TENM4: variants seen among roughly 807,000 people sequenced by gnomAD.
The protein encoded by TENM4 is teneurin transmembrane protein 4.
A neutral mutation model predicts 243.3 loss-of-function variants in TENM4; 82 were observed. That is an observed-to-expected ratio of 0.34 (90% CI 0.28 to 0.40). The LOEUF (loss-of-function observed/expected upper bound fraction) is 0.40. Among genes scored for constraint, TENM4 ranks in the 10% least tolerant of loss-of-function variants. TENM4 has a pLI of 1.00. For synonymous variants in TENM4, 1,412 were observed against 1,456.3 expected (o/e 0.97, Z 0.69); for missense variants, 3,138 against 3,673.3 (o/e 0.85, Z 3.77).
intron 12 of TENM4, among the ~76,000 whole-genome samples, chr11:78,828,507 T>C (rs780414742): frequency 3.3e-5 from 5 of 152,248 alleles, no homozygotes; most frequent in Admixed American, 6.5e-5. Flanking sequence ...TTCACAATAA[T>C]TATAATGCGT....
At chr11:78,970,418 C>T (rs778008266) in intron 6 of TENM4, among the ~76,000 whole-genome samples, 48 of 152,112 alleles carry the variant, frequency 3.2e-4, no homozygotes, top group Non-Finnish European at 5.7e-4. Flanking sequence ...CAGTGACAGC[C>T]CCGATTTACA....
chr11:78,768,980 G>C (rs1003703158), intron 18 of TENM4, among the ~76,000 whole-genome samples: 17 of 152,194 alleles, frequency 1.1e-4, no homozygotes, highest in African/African-American at 4.1e-4. Context: ...ACCTACGCTT[G>C]TATGTATACC....
intron 6 of TENM4, among the ~76,000 whole-genome samples, chr11:79,041,934 C>G (rs1293423761): frequency 1.3e-5 from 2 of 152,186 alleles, no homozygotes; most frequent in African/African-American, 4.8e-5. Context: ...ACAACGGGGG[C>G]TACAGAAGCC....
At chr11:79,369,749 A>G (rs1857746150) in intron 1 of TENM4, among the ~76,000 whole-genome samples, 1 of 152,158 alleles carries the variant, frequency 6.6e-6, no homozygotes, top group Admixed American at 6.5e-5. Flanking sequence ...ACCTTAGCCC[A>G]TATCCTTCCA....
At chr11:79,200,695 G>A (rs374574718) in intron 3 of TENM4, among the ~76,000 whole-genome samples, 9 of 152,334 alleles carry the variant, frequency 5.9e-5, no homozygotes, top group South Asian at 4.1e-4. Context: ...TAGGCTGATC[G>A]TTCTTGACAG....
intron 32 of TENM4, among the ~76,000 whole-genome samples, chr11:78,665,908 G>T (rs1858146034): frequency 6.6e-6 from 1 of 152,182 alleles, no homozygotes; most frequent in African/African-American, 2.4e-5. Context: ...CACCTAAGGG[G>T]TTGGCATGTG....
At chr11:79,414,105 T>C (rs888495941) in intron 1 of TENM4, among the ~76,000 whole-genome samples, 3 of 152,022 alleles carry the variant, frequency 2.0e-5, no homozygotes, top group Admixed American at 2.0e-4. Flanking sequence ...GATCCCTTGG[T>C]CCTGCCCTGC....
chr11:78,915,279 T>C (rs1202056864), intron 6 of TENM4, among the ~76,000 whole-genome samples: 1 of 152,194 alleles, frequency 6.6e-6, no homozygotes, highest in East Asian at 1.9e-4. Flanking sequence ...CTCTCACTCC[T>C]AGTTTGGGCT....
At chr11:78,975,707 T>A (rs1463223405) in intron 6 of TENM4, among the ~76,000 whole-genome samples, 3 of 150,234 alleles carry the variant, frequency 2.0e-5, no homozygotes, top group South Asian at 4.2e-4. Context: ...CAGAATCTAA[T>A]AGTCCAGCCT....
At chr11:78,892,763 A>T (rs1317833370) in intron 7 of TENM4, among the ~76,000 whole-genome samples, 1 of 152,220 alleles carries the variant, frequency 6.6e-6, no homozygotes, top group Non-Finnish European at 1.5e-5. Context: ...CAGTACCGTC[A>T]TCTCTATTTT....
intron 6 of TENM4, among the ~76,000 whole-genome samples, chr11:78,928,885 AAAGGGGAGATCTGTG>A (rs1316256619): frequency 1.3e-5 from 2 of 152,210 alleles, no homozygotes; most frequent in Non-Finnish European, 2.9e-5. Context: ...TACATTTATG[AAAGGGGAGATCTGTG>A]AAGGTGGCAT....
At chr11:78,688,019 C>A (rs1468173139) in intron 29 of TENM4, 35 bp downstream of exon 29, 4 of 1,607,652 alleles carry the variant, frequency 2.5e-6, no homozygotes, top group Non-Finnish European at 3.4e-6. Flanking sequence ...TCCCACCCCT[C>A]TGCCTCAAAG....
Position 79,018,477 on chromosome 11 carries a change from C to A in TENM4, c.493+46261G>T, listed in dbSNP as rs117303670. On this transcript the variant is annotated intron_variant, in intron 6 of 33. Transcript: ENST00000278550. ...GCACACACACACACACATCCCCCCACACACATCCCTACCCCACATGCCTGG... is the reference window on the plus strand; with the variant it reads ...GCACACACACACACACATCCCCCCAAACACATCCCTACCCCACATGCCTGG... Among the ~76,000 whole-genome samples, 1,094 of 152,214 alleles carry A rather than the reference C, an allele frequency of 7.2e-3. 6 individuals are homozygous for A. The highest frequency in any genetic ancestry group is 0.011 in the Non-Finnish European group (771 of 67,998).
At chr11:79,420,227 A>G (rs1565339119) in intron 1 of TENM4, among the ~76,000 whole-genome samples, 1 of 152,218 alleles carries the variant, frequency 6.6e-6, no homozygotes. Flanking sequence ...GTATTTAAAT[A>G]CTTTGATGTT....
intron 19 of TENM4, among the ~76,000 whole-genome samples, chr11:78,741,204 T>A (rs962585681): frequency 1.6e-4 from 25 of 151,866 alleles, no homozygotes; most frequent in Non-Finnish European, 3.5e-4. Context: ...TCCTGGGAGG[T>A]TTGAAAAGAT....
chr11:78,973,335 CTTG>C (rs1857583324), intron 6 of TENM4, among the ~76,000 whole-genome samples: 1 of 152,222 alleles, frequency 6.6e-6, no homozygotes, highest in African/African-American at 2.4e-5. Flanking sequence ...CTTGTCAACA[CTTG>C]TTATTATCTG....
intron 12 of TENM4, among the ~76,000 whole-genome samples, chr11:78,837,476 C>T (rs1858143506): frequency 6.6e-6 from 1 of 152,192 alleles, no homozygotes; most frequent in South Asian, 2.1e-4. Context: ...ATTTTCACAT[C>T]CCCATCAGAA....
intron 2 of TENM4, among the ~76,000 whole-genome samples, chr11:79,236,542 T>C (rs993148342): frequency 2.6e-5 from 4 of 152,178 alleles, no homozygotes; most frequent in Non-Finnish European, 5.9e-5. Context: ...CCAGTATCAC[T>C]TTGTGCTCGC....
At chr11:78,945,712 C>T (rs61882020) in intron 6 of TENM4, among the ~76,000 whole-genome samples, 2,131 of 152,248 alleles carry the variant, frequency 0.014, 26 homozygotes, top group Admixed American at 0.031. Flanking sequence ...ATGAAAATTG[C>T]GACTCCATTG....
Sources: gnomAD v4.1 joint callset for allele counts (sites outside exome capture counted in the v4.1 genomes callset) on GRCh38, gnomAD v4.1.1 for gene constraint, MANE v1.5 for transcripts, NCBI Gene and HGNC (gene_info 2026-07-23, HGNC 2026-07-21) for gene names.